Variants in DAPK1 observed in about 807,000 individuals in gnomAD.
DAPK1 encodes death-associated protein kinase 1.
DAPK1 carries 56 observed loss-of-function variants against 144.9 expected under a neutral mutation model. The observed-to-expected ratio is 0.39, with a 90% confidence interval of 0.31 to 0.48. DAPK1 has a LOEUF of 0.48. Ranked by LOEUF, DAPK1 falls within the 20% of genes least tolerant of loss-of-function variation. DAPK1 has a pLI of 0.95. For missense variants in DAPK1, 1,454 were observed against 1,875.4 expected, an observed-to-expected ratio of 0.78 and a Z score of 4.15; for synonymous variants, 690 against 749.0, an observed-to-expected ratio of 0.92 and a Z score of 1.29.
At chr9:87,500,684 T>C (rs1824356997) in intron 2 of DAPK1, among the ~76,000 whole-genome samples, 1 of 152,102 alleles carries the variant, frequency 6.6e-6, no homozygotes, top group African/African-American at 2.4e-5. Context: ...CTCCCTGTGG[T>C]TGGCGAAGGG....
At chr9:87,629,296 C>T (rs1301322133) in intron 3 of DAPK1, among the ~76,000 whole-genome samples, 3 of 152,162 alleles carry the variant, frequency 2.0e-5, no homozygotes, top group Admixed American at 2.0e-4. Flanking sequence ...GAATGCTCGT[C>T]TACAAGCCCA....
Position 87,706,555 on chromosome 9 carries a change from G to A in DAPK1, c.3484G>A (p.Glu1162Lys). 2 of 1,613,998 alleles carry A rather than the reference G, an allele frequency of 1.2e-6. No homozygotes were observed. Among genetic ancestry groups the A allele is most frequent in the Non-Finnish European group, 8.5e-7 (1 of 1,179,832 alleles). Residue 1162 changes from glutamate (E) to lysine (K), a missense_variant, in exon 26 of 26, where the codon GAG becomes AAG. Glu to Lys is a moderately conservative substitution (Grantham distance 56, BLOSUM62 1). Around this residue, in one of 2 missense-constraint regions of DAPK1, gnomAD observed 1,025 missense variants for 1,237.9 expected, o/e 0.83. Transcript: ENST00000408954. The surrounding 1 kb of genome is among the most constrained non-coding windows in gnomAD (Gnocchi z 9.0). ...LCRWIHQQST[E>K]GDADIRLWVN... ...CCGGTGGATCCACCAGCAAAGCACA[G>A]AGGGCGACGCGGACATCCGCCTGTG...
intron 2 of DAPK1, among the ~76,000 whole-genome samples, chr9:87,558,375 G>A (rs1035322993): frequency 3.3e-5 from 5 of 152,108 alleles, no homozygotes; most frequent in Non-Finnish European, 5.9e-5. Flanking sequence ...ACAGATCAAC[G>A]GGACAGAATA....
rs557822058 is a variant in DAPK1 at position 87,604,996 on chromosome 9, C to G, written c.105C>G (p.Thr35=). The part of the protein sequence containing the change: ...AVVKKCREKS[T]GLQYAAKFIK... ...TGAAGAAATGCCGTGAGAAAAGCAC[C>G]GGCCTCCAGTATGCCGCCAAATTCA... Residue 35 remains threonine, a synonymous_variant, in exon 3 of 26, where the codon ACC becomes ACG. Coordinates refer to ENST00000408954, the MANE Select transcript of DAPK1 (RefSeq NM_004938.4). 6.2e-7 allele frequency: 1 copy of G among 1,613,978 alleles called. No individual in the cohort carries two copies. The highest frequency in any genetic ancestry group is 1.3e-5 in the African/African-American group (1 of 74,896).
chr9:87,522,173 T>C (rs2118249164), intron 2 of DAPK1, among the ~76,000 whole-genome samples: 1 of 152,328 alleles, frequency 6.6e-6, no homozygotes, highest in South Asian at 2.1e-4. Flanking sequence ...TCACCAACAA[T>C]ACTTAACTAG....
chr9:87,555,492 T>A (rs1240056896), intron 2 of DAPK1, among the ~76,000 whole-genome samples: 2 of 151,656 alleles, frequency 1.3e-5, no homozygotes, highest in African/African-American at 4.9e-5. Context: ...TGAAGCACTT[T>A]ATTTTATTTA....
intron 2 of DAPK1, among the ~76,000 whole-genome samples, chr9:87,601,481 C>T (rs531154970): frequency 1.3e-5 from 2 of 150,862 alleles, no homozygotes; most frequent in Admixed American, 6.6e-5. Flanking sequence ...TTGTATACAT[C>T]GTTAGCACAG....
intron 2 of DAPK1, among the ~76,000 whole-genome samples, chr9:87,503,378 C>T (rs2118018660): frequency 6.6e-6 from 1 of 152,236 alleles, no homozygotes; most frequent in African/African-American, 2.4e-5. Flanking sequence ...AGTCCTCCCA[C>T]CTTGGCCTTC....
intron 2 of DAPK1, among the ~76,000 whole-genome samples, chr9:87,571,069 G>A (rs1827312490): frequency 6.6e-6 from 1 of 152,148 alleles, no homozygotes; most frequent in African/African-American, 2.4e-5. Flanking sequence ...GGGCTGTTTA[G>A]TTCATTAAAG....
At chr9:87,558,774 GCT>G (rs1165878210) in intron 2 of DAPK1, among the ~76,000 whole-genome samples, 2 of 152,226 alleles carry the variant, frequency 1.3e-5, no homozygotes, top group African/African-American at 4.8e-5. Flanking sequence ...GTTAGAGCCT[GCT>G]CTGTGAGCTG....
chr9:87,622,455 C>T (rs908651044), intron 3 of DAPK1, among the ~76,000 whole-genome samples: 9 of 152,060 alleles, frequency 5.9e-5, no homozygotes, highest in African/African-American at 2.2e-4. Flanking sequence ...GAACCAAGAG[C>T]ACATTTTCAA....
At chr9:87,564,174 C>T (rs1827031790) in intron 2 of DAPK1, among the ~76,000 whole-genome samples, 3 of 152,166 alleles carry the variant, frequency 2.0e-5, no homozygotes, top group Admixed American at 1.3e-4. Context: ...CTGATGCTGA[C>T]CTCTGTAGGA....
At chr9:87,647,481 T>G (rs550446842) in intron 14 of DAPK1, 78 bp downstream of exon 14, 2 of 1,204,826 alleles carry the variant, frequency 1.7e-6, no homozygotes, top group East Asian at 4.7e-5. Context: ...GCCTACCGTG[T>G]GCATCGGGAC....
Position 87,642,015 on chromosome 9 carries a change from A to G in DAPK1, c.875A>G (p.Asn292Ser). ...CTTAGTAGAAAAGCATCAGCAGTAAACATGGAGAAATTCAAGAAGTTTGCA... is the reference window on the plus strand; with the variant it reads ...CTTAGTAGAAAAGCATCAGCAGTAAGCATGGAGAAATTCAAGAAGTTTGCA... ...QALSRKASAV[N>S]MEKFKKFAAR... Residue 292 changes from asparagine to serine, a missense_variant, in exon 10 of 26, where the codon AAC becomes AGC. Asn to Ser is a conservative substitution (Grantham distance 46, BLOSUM62 1). Coordinates refer to ENST00000408954, the MANE Select transcript of DAPK1 (RefSeq NM_004938.4). 6.2e-7 allele frequency: 1 copy of G among 1,614,154 alleles called. No homozygotes were observed. Among genetic ancestry groups the G allele is most frequent in the Non-Finnish European group, 8.5e-7 (1 of 1,180,006 alleles).
intron 2 of DAPK1, among the ~76,000 whole-genome samples, chr9:87,573,057 G>C (rs143101984): frequency 1.3e-4 from 20 of 152,144 alleles, no homozygotes; most frequent in Non-Finnish European, 2.1e-4. Context: ...GGTTCTAAGC[G>C]TATCTGTGAT....
chr9:87,672,217 T>G (rs1305668319), intron 19 of DAPK1, among the ~76,000 whole-genome samples: 1 of 152,186 alleles, frequency 6.6e-6, no homozygotes, highest in African/African-American at 2.4e-5. Context: ...CCCCTGTGGC[T>G]GGGCACCCTG....
rs75637952 is a variant in DAPK1, at chr9:87,647,392, G to A, written c.1318G>A (p.Val440Met). The change falls in exon 14 of 26, where the codon GTG (valine) becomes ATG (methionine). Residue 440 changes from valine to methionine, a missense_variant. Val to Met is a conservative substitution (Grantham distance 21). This residue lies in a region of DAPK1 where 429 missense variants were observed against 637.5 expected (regional missense o/e 0.67). Transcript: ENST00000408954. ...CAGTGAGAACAAATGCCCTTTGGATGTGAAAGACAAGGTAAGGCCACTTCT... is the reference window on the plus strand; with the variant it reads ...CAGTGAGAACAAATGCCCTTTGGATATGAAAGACAAGGTAAGGCCACTTCT... ...FLSENKCPLD[V>M]KDKSGEMALH... is the part of the protein sequence containing the mutation. The A allele has an allele frequency of 1.6e-5, 26 of 1,614,000 alleles. No individual in the cohort carries two copies. In the South Asian group the frequency reaches 2.6e-4, roughly 16 times the overall value.
Position 87,501,544 on chromosome 9 carries a change from CAAAAAAAAAAGAA to C in DAPK1, c.62+2407_62+2419del, listed in dbSNP as rs1406332848. ...TGGGTGATACAGCGAGACTCTGTCT[CAAAAAAAAAAGAA>C]AGAAAAAAAAGACTTTACTTATATA... On this transcript the variant is annotated intron_variant, in intron 2 of 25. Transcript: ENST00000408954. Among the ~76,000 whole-genome samples the C allele has an allele frequency of 1.8e-4, 25 of 135,844 alleles. 2 individuals carry two copies. In the East Asian group the frequency reaches 4.8e-3, roughly 26 times the overall value. The allele number at this position is 135,844 out of a possible 152,430, so 89.1% of individuals were successfully genotyped here. A position where few individuals can be genotyped will look rare whatever the true frequency, so the allele number is the denominator to read the frequency against.
intron 2 of DAPK1, among the ~76,000 whole-genome samples, chr9:87,521,182 G>T (rs375537319): frequency 6.6e-6 from 1 of 152,246 alleles, no homozygotes; most frequent in Non-Finnish European, 1.5e-5. Flanking sequence ...TGTTGCAGGG[G>T]TTGAAGCATT....
Sources: gnomAD v4.1 joint callset for allele counts (sites outside exome capture counted in the v4.1 genomes callset) on GRCh38, gnomAD v4.1.1 for gene constraint, gnomAD v4.1.1 regional missense constraint, Gnocchi (gnomAD v3.1) non-coding constraint, MANE v1.5 for transcripts, NCBI Gene and HGNC (gene_info 2026-07-23, HGNC 2026-07-21) for gene names.